Variants in CDH6 observed in about 807,000 individuals in gnomAD.
The protein encoded by CDH6 is cadherin 6, also known as cadherin-6.
In CDH6, 31 loss-of-function variants were observed where a neutral mutation model predicts 78.0. That is an observed-to-expected ratio of 0.40 (90% CI 0.30 to 0.54). The LOEUF (loss-of-function observed/expected upper bound fraction) is 0.54. Among genes scored for constraint, CDH6 ranks in the 20% least tolerant of loss-of-function variants. The pLI, the probability that CDH6 is intolerant of heterozygous loss-of-function variation, is 0.56. For missense variants in CDH6, 724 were observed against 975.9 expected, an observed-to-expected ratio of 0.74 and a Z score of 3.44; for synonymous variants, 376 against 368.8, an observed-to-expected ratio of 1.02 and a Z score of -0.23.
chr5:31,292,242 A>G (rs1235484304), intron 2 of CDH6, among the ~76,000 whole-genome samples: 2 of 152,190 alleles, frequency 1.3e-5, no homozygotes, highest in African/African-American at 4.8e-5. Context: ...GTTACACCCA[A>G]AAAGGATTCT....
intron 1 of CDH6, among the ~76,000 whole-genome samples, chr5:31,197,120 G>T (rs1377166861): frequency 1.3e-5 from 2 of 152,100 alleles, no homozygotes; most frequent in Admixed American, 1.3e-4. Context: ...TCCAAAAGCT[G>T]TTTAGATACC....
rs1738523647 is a variant in CDH6 at position 31,323,223 on chromosome 5, A to G, written c.2288A>G (p.Asp763Gly). ...TCAGTGACCACGGATGCAGATCAAG[A>G]CTATGATTACCTTAGTGACTGGGGA... ...LESVTTDADQ[D>G]YDYLSDWGPR... Residue 763 changes from aspartate to glycine, a missense_variant, in exon 12 of 12, where the codon GAC becomes GGC. Physicochemically the swap from Asp to Gly is moderately conservative, Grantham distance 94. Transcript: ENST00000265071. 5 of 1,614,170 alleles carry G rather than the reference A, an allele frequency of 3.1e-6. No individual in the cohort carries two copies. In the East Asian group the frequency reaches 8.9e-5, roughly 29 times the overall value.
chr5:31,197,083 C>A (rs1036504948), intron 1 of CDH6, among the ~76,000 whole-genome samples: 1 of 152,094 alleles, frequency 6.6e-6, no homozygotes, highest in Admixed American at 6.6e-5. Flanking sequence ...CAAAGAATTC[C>A]CCGTTCAAAT....
intron 2 of CDH6, among the ~76,000 whole-genome samples, chr5:31,282,869 T>C (rs1432032829): frequency 6.6e-6 from 1 of 152,166 alleles, no homozygotes; most frequent in Admixed American, 6.5e-5. Context: ...GGTTATTAAA[T>C]GTAACAAAAA....
At chr5:31,199,445 C>T (rs12332434) in intron 1 of CDH6, among the ~76,000 whole-genome samples, 2 of 4,526 alleles carry the variant, frequency 4.4e-4, no homozygotes, top group Non-Finnish European at 2.0e-3. Flanking sequence ...TGTATATATA[C>T]ACACACATAT....
intron 7 of CDH6, among the ~76,000 whole-genome samples, chr5:31,310,587 A>G (rs1357801356): frequency 6.6e-6 from 1 of 152,132 alleles, no homozygotes; most frequent in Non-Finnish European, 1.5e-5. Flanking sequence ...CAGTAGAGGT[A>G]CTCCATGATG....
At chr5:31,279,557 G>T (rs1002101471) in intron 2 of CDH6, among the ~76,000 whole-genome samples, 2 of 151,944 alleles carry the variant, frequency 1.3e-5, no homozygotes, top group African/African-American at 4.8e-5. Context: ...GTGACAAAGT[G>T]AGACCCTGCC....
intron 1 of CDH6, among the ~76,000 whole-genome samples, chr5:31,229,101 A>ATAT (rs1741244170): frequency 6.6e-6 from 1 of 152,222 alleles, no homozygotes; most frequent in Non-Finnish European, 1.5e-5. Context: ...TTCCAAGGGT[A>ATAT]CCAACTGCCC....
chr5:31,307,197 T>G lies in CDH6; in HGVS notation c.1253+1770T>G, dbSNP rs530572241. Among the ~76,000 whole-genome samples, 34 of 152,338 alleles carry G rather than the reference T, an allele frequency of 2.2e-4. No individual in the cohort carries two copies. In the South Asian group the frequency reaches 6.4e-3, roughly 29 times the overall value. ...TATTCTGATTGAGATGAGAAGCCAC[T>G]GGAAACCTTTGAGTATAAGAGTTAA... On this transcript the variant is annotated intron_variant, in intron 7 of 11. Transcript: ENST00000265071.
chr5:31,302,905 A>AAGAAAGAAAGAAAGAAAG (rs1737843968), intron 6 of CDH6, among the ~76,000 whole-genome samples: 1 of 87,908 alleles, frequency 1.1e-5, no homozygotes, highest in Non-Finnish European at 2.5e-5. Context: ...GAAAGAAAAA[A>AAGAAAGAAAGAAAGAAAG]AGAAAGAAAG....
chr5:31,261,045 G>C (rs1033042629), intron 1 of CDH6, among the ~76,000 whole-genome samples: 3 of 152,176 alleles, frequency 2.0e-5, no homozygotes, highest in African/African-American at 7.2e-5. Context: ...TCTTGAGCAA[G>C]CTTAATTGGC....
intron 2 of CDH6, 108 bp downstream of exon 2, chr5:31,267,809 G>T: frequency 1.2e-6 from 1 of 826,748 alleles, no homozygotes; most frequent in Non-Finnish European, 1.9e-6. Flanking sequence ...AGTAAGAATT[G>T]TTGCTTAACT....
intron 1 of CDH6, among the ~76,000 whole-genome samples, chr5:31,266,509 A>G (rs1450637887): frequency 1.3e-5 from 2 of 152,216 alleles, no homozygotes; most frequent in Non-Finnish European, 1.5e-5. Context: ...GCAAAAATTT[A>G]TAGATAAAGT....
chr5:31,204,696 G>A (rs1445866605), intron 1 of CDH6, among the ~76,000 whole-genome samples: 4 of 151,856 alleles, frequency 2.6e-5, no homozygotes, highest in South Asian at 2.1e-4. Context: ...TTTTTATCAC[G>A]GCTGGTTAGA....
At chr5:31,212,356 T>A (rs563342382) in intron 1 of CDH6, among the ~76,000 whole-genome samples, 7 of 152,246 alleles carry the variant, frequency 4.6e-5, no homozygotes, top group African/African-American at 1.4e-4. Flanking sequence ...TTTTAAAAAA[T>A]TTTTCATTAA....
intron 3 of CDH6, among the ~76,000 whole-genome samples, chr5:31,295,288 A>T (rs988036506): frequency 1.3e-5 from 2 of 152,144 alleles, no homozygotes; most frequent in African/African-American, 4.8e-5. Flanking sequence ...TTCACTGCTT[A>T]TAGCAGCAAT....
chr5:31,226,080 A>G (rs1579830621), intron 1 of CDH6, among the ~76,000 whole-genome samples: 1 of 152,156 alleles, frequency 6.6e-6, no homozygotes, highest in East Asian at 1.9e-4. Context: ...TTCTCAGGTT[A>G]GATATAACTA....
rs1275222286 is a variant in CDH6, at chr5:31,326,766, A to G, written c.*3458A>G. ...GAATGCAGTGGCGCGATCTCTGCTC[A>G]CTACAAGCTCCGCCTCCCGGGTTCA... On this transcript the variant is annotated 3_prime_UTR_variant, in exon 12 of 12. Coordinates refer to ENST00000265071, the MANE Select transcript of CDH6 (RefSeq NM_004932.4). 7.2e-6 allele frequency: 1 copy of G among 139,118 alleles called. No individual in the cohort carries two copies. The highest frequency in any genetic ancestry group is 2.9e-5 in the African/African-American group (1 of 34,234). The allele number at this position is 139,118 out of a possible 1,614,324, so 8.6% of individuals were successfully genotyped here.
intron 5 of CDH6, among the ~76,000 whole-genome samples, chr5:31,300,555 G>T (rs1561064466): frequency 6.6e-6 from 1 of 152,122 alleles, no homozygotes; most frequent in African/African-American, 2.4e-5. Context: ...GTAGAAGAAA[G>T]GTTCTATGAG....
Sources: gnomAD v4.1 joint callset for allele counts (sites outside exome capture counted in the v4.1 genomes callset) on GRCh38, gnomAD v4.1.1 for gene constraint, MANE v1.5 for transcripts, NCBI Gene and HGNC (gene_info 2026-07-23, HGNC 2026-07-21) for gene names.